Variants in PTPRT observed in about 807,000 individuals in gnomAD.
PTPRT encodes receptor-type tyrosine-protein phosphatase T.
Under a neutral mutation model 176.8 loss-of-function variants are expected in PTPRT, and 56 were observed. That is an observed-to-expected ratio of 0.32 (90% CI 0.26 to 0.40). PTPRT has a LOEUF of 0.40. Ranked by LOEUF, PTPRT falls within the 10% of genes least tolerant of loss-of-function variation. The pLI, the probability that PTPRT is intolerant of heterozygous loss-of-function variation, is 1.00. For missense variants in PTPRT, 1,540 were observed against 1,908.2 expected (o/e 0.81, Z 3.60); for synonymous variants, 783 against 739.0 (o/e 1.06, Z -0.96).
intron 1 of PTPRT, among the ~76,000 whole-genome samples, chr20:43,052,798 C>T (rs1425507759): frequency 6.6e-6 from 1 of 152,176 alleles, no homozygotes; most frequent in Non-Finnish European, 1.5e-5. Context: ...CTTCAATCTC[C>T]CCAAATGCTC....
chr20:42,955,000 G>A (rs1981531392), intron 1 of PTPRT, among the ~76,000 whole-genome samples: 1 of 151,562 alleles, frequency 6.6e-6, no homozygotes, highest in Non-Finnish European at 1.5e-5. Flanking sequence ...AAAGAGGGAA[G>A]GGCCAGGGAG....
At chr20:42,560,283 G>A (rs1354873153) in intron 7 of PTPRT, among the ~76,000 whole-genome samples, 1 of 152,178 alleles carries the variant, frequency 6.6e-6, no homozygotes, top group Non-Finnish European at 1.5e-5. Flanking sequence ...AGAATAGGAG[G>A]ATGGCGAGGT....
chr20:43,106,916 G>A lies in PTPRT; in HGVS notation c.88+82730C>T, dbSNP rs191244755. ...AGCCATCCTCCCACCTCAGCCTCCCGAGTAGCTGGGAATACAGGCATGCAC... is the reference window on the plus strand; with the variant it reads ...AGCCATCCTCCCACCTCAGCCTCCCAAGTAGCTGGGAATACAGGCATGCAC... On this transcript the variant is annotated intron_variant, in intron 1 of 30. Coordinates refer to ENST00000373187, the MANE Select transcript of PTPRT (RefSeq NM_007050.6). 5.5e-4 allele frequency among the ~76,000 whole-genome samples: 83 copies of A among 151,870 alleles called. No homozygotes were observed. The East Asian group carries it at 0.013, about 23-fold the overall frequency.
intron 8 of PTPRT, among the ~76,000 whole-genome samples, chr20:42,459,172 G>A (rs1351022844): frequency 1.3e-5 from 2 of 152,180 alleles, no homozygotes; most frequent in African/African-American, 2.4e-5. Context: ...AGCCAAAAAG[G>A]ATGGCAAGTG....
chr20:42,813,493 A>T (rs2145627498), intron 2 of PTPRT, among the ~76,000 whole-genome samples: 1 of 145,772 alleles, frequency 6.9e-6, no homozygotes, highest in South Asian at 2.2e-4. Flanking sequence ...TTTCAAAATT[A>T]GTATTTGTGG....
At chr20:42,571,811 G>A (rs759829636) in intron 7 of PTPRT, among the ~76,000 whole-genome samples, 1 of 152,024 alleles carries the variant, frequency 6.6e-6, no homozygotes, top group African/African-American at 2.4e-5. Flanking sequence ...CCACACCCTT[G>A]TCCAAGCCAT....
At chr20:42,556,396 G>A (rs999599117) in intron 7 of PTPRT, among the ~76,000 whole-genome samples, 1 of 152,134 alleles carries the variant, frequency 6.6e-6, no homozygotes, top group Non-Finnish European at 1.5e-5. Context: ...ATTTACAAAT[G>A]AGAACACTTA....
rs183134150 is a variant in PTPRT at position 43,062,307 on chromosome 20, C to T, written c.88+127339G>A. On this transcript the variant is annotated intron_variant, in intron 1 of 30. Transcript: ENST00000373187. ...AGCCAACAGCTCTAGCTTTCAATCT[C>T]GCTTTGTCTTTTCCTGGCTGGGTAA... 2.2e-4 allele frequency among the ~76,000 whole-genome samples: 33 copies of T among 152,342 alleles called. 1 individual carries two copies. The highest frequency in any genetic ancestry group is 1.6e-3 in the Admixed American group (25 of 15,310).
At chr20:42,540,713 G>C (rs2072563833) in intron 7 of PTPRT, among the ~76,000 whole-genome samples, 1 of 152,160 alleles carries the variant, frequency 6.6e-6, no homozygotes, top group South Asian at 2.1e-4. Flanking sequence ...TCAAATATTA[G>C]CTTCAGGGAA....
intron 1 of PTPRT, among the ~76,000 whole-genome samples, chr20:43,116,792 C>T (rs2013078222): frequency 6.6e-6 from 1 of 152,164 alleles, no homozygotes; most frequent in African/African-American, 2.4e-5. Context: ...GCAACAGGTG[C>T]ACAGGTTAGC....
chr20:42,169,580 A>T (rs1989985231), intron 16 of PTPRT, among the ~76,000 whole-genome samples: 1 of 152,058 alleles, frequency 6.6e-6, no homozygotes, highest in South Asian at 2.1e-4. Flanking sequence ...AACGATGAGG[A>T]TCTACCTCCT....
chr20:42,658,116 C>T (rs1163424715), intron 7 of PTPRT, among the ~76,000 whole-genome samples: 1 of 152,134 alleles, frequency 6.6e-6, no homozygotes, highest in East Asian at 1.9e-4. Flanking sequence ...CACTGAATTA[C>T]TGAATATTGA....
chr20:42,682,818 G>C (rs1474506049), intron 6 of PTPRT, among the ~76,000 whole-genome samples: 12 of 152,106 alleles, frequency 7.9e-5, no homozygotes, highest in Non-Finnish European at 1.6e-4. Flanking sequence ...ACATCCTCAG[G>C]CATCAATCTC....
chr20:42,267,323 T>C (rs1374189598), intron 13 of PTPRT, among the ~76,000 whole-genome samples: 3 of 152,228 alleles, frequency 2.0e-5, no homozygotes, highest in Admixed American at 6.5e-5. Flanking sequence ...CGTAGGTTAA[T>C]TGTATTAAGT....
intron 13 of PTPRT, 112 bp from the exon 14 acceptor site, chr20:42,248,934 A>G: frequency 7.5e-7 from 1 of 1,325,516 alleles, no homozygotes; most frequent in Non-Finnish European, 1.0e-6. Context: ...TGTGCCAGGC[A>G]CTGTGCTAAG....
At chr20:43,130,565 A>T (rs2013613619) in intron 1 of PTPRT, among the ~76,000 whole-genome samples, 1 of 152,246 alleles carries the variant, frequency 6.6e-6, no homozygotes, top group South Asian at 2.1e-4. Context: ...CTGTTCACAG[A>T]AGAATAAAGA....
intron 7 of PTPRT, among the ~76,000 whole-genome samples, chr20:42,573,631 C>G (rs1040590411): frequency 1.3e-5 from 2 of 152,148 alleles, no homozygotes; most frequent in Admixed American, 1.3e-4. Flanking sequence ...TTCCCTCCTT[C>G]CTTCCATTCA....
chr20:42,349,846 C>T (rs968281309), intron 11 of PTPRT, among the ~76,000 whole-genome samples: 20 of 152,208 alleles, frequency 1.3e-4, no homozygotes. Flanking sequence ...TGCCCACGCT[C>T]CTGATATCAT....
At chr20:42,165,052 G>T (rs1989768577) in intron 16 of PTPRT, among the ~76,000 whole-genome samples, 1 of 152,094 alleles carries the variant, frequency 6.6e-6, no homozygotes, top group Non-Finnish European at 1.5e-5. Flanking sequence ...CTTGTGGGAT[G>T]GGCAGAAGGA....
Sources: gnomAD v4.1 joint callset for allele counts (sites outside exome capture counted in the v4.1 genomes callset) on GRCh38, gnomAD v4.1.1 for gene constraint, MANE v1.5 for transcripts, NCBI Gene and HGNC (gene_info 2026-07-23, HGNC 2026-07-21) for gene names.